ITGB8: variants seen among roughly 807,000 people sequenced by gnomAD.
The protein encoded by ITGB8 is integrin beta-8.
A neutral mutation model predicts 89.5 loss-of-function variants in ITGB8; 30 were observed. The observed-to-expected ratio is 0.34, with a 90% CI of 0.25 to 0.45. ITGB8 has a LOEUF of 0.45. Ranked by LOEUF, ITGB8 falls within the 20% of genes least tolerant of loss-of-function variation. The pLI is 1.00. For synonymous variants in ITGB8, 335 were observed against 320.4 expected (o/e 1.05, Z -0.49); for missense variants, 836 against 933.3 (o/e 0.90, Z 1.36).
chr7:20,405,899 A>T (rs1209743291), intron 11 of ITGB8, among the ~76,000 whole-genome samples, 163 bp from the exon 12 acceptor site: 3 of 152,224 alleles, frequency 2.0e-5, no homozygotes. Flanking sequence ...AATCATTTGG[A>T]AATGCAATCC....
chr7:20,406,169 C>T lies in ITGB8; in HGVS notation c.2021C>T (p.Ser674Leu). Residue 674 changes from serine (S) to leucine (L), a missense_variant and splice_region_variant, in exon 12 of 14, where the codon TCA becomes TTA. By Grantham distance (145) the Ser-to-Leu change is moderately radical. Transcript: ENST00000222573. ...MEQQHYVDQT[S>L]ECFSSPSYLR... Reference sequence around the variant, plus strand: ...CAACAGCATTATGTCGACCAAACTTCAGGTAGGCCAAAGCTTAATAATCAA... The same window carrying T: ...CAACAGCATTATGTCGACCAAACTTTAGGTAGGCCAAAGCTTAATAATCAA... 1 of 1,561,386 alleles carries T rather than the reference C, an allele frequency of 6.4e-7. No homozygotes were observed.
At chr7:20,366,868 T>A in intron 2 of ITGB8, 144 bp from the exon 3 acceptor site, 1 of 585,134 alleles carries the variant, frequency 1.7e-6, no homozygotes, top group South Asian at 2.5e-5. Context: ...GCTTGTGTTT[T>A]TCTTGTAGAA....
intron 6 of ITGB8, among the ~76,000 whole-genome samples, chr7:20,388,550 G>A (rs6954259): frequency 0.12 from 18,189 of 152,054 alleles, 1,372 homozygotes; most frequent in East Asian, 0.35. Flanking sequence ...CTGCCTTGAG[G>A]TACTTGGAAT....
chr7:20,375,497 G>A (rs1257038456), intron 3 of ITGB8, among the ~76,000 whole-genome samples: 1 of 152,122 alleles, frequency 6.6e-6, no homozygotes, highest in Non-Finnish European at 1.5e-5. Context: ...TGAAAAGAAT[G>A]AAGGATGGTA....
intron 1 of ITGB8, among the ~76,000 whole-genome samples, chr7:20,345,663 A>G (rs1042935656): frequency 6.6e-5 from 10 of 152,326 alleles, no homozygotes; most frequent in East Asian, 1.9e-4. Context: ...AAGGACTGGT[A>G]GTGGCAGATT....
intron 3 of ITGB8, chr7:20,377,272 C>G (rs920153175): frequency 6.6e-6 from 1 of 152,138 alleles, no homozygotes; most frequent in Non-Finnish European, 1.5e-5. Flanking sequence ...CAACGATTCA[C>G]CAAGATAAAA....
intron 1 of ITGB8, among the ~76,000 whole-genome samples, chr7:20,347,845 C>G (rs1377769396): frequency 6.6e-6 from 1 of 152,052 alleles, no homozygotes; most frequent in Non-Finnish European, 1.5e-5. Context: ...GTTGAGAGAG[C>G]AATGTGAAAA....
chr7:20,380,583 C>A, intron 4 of ITGB8, 83 bp from the exon 5 acceptor site: 1 of 1,136,958 alleles, frequency 8.8e-7, no homozygotes, highest in Non-Finnish European at 1.3e-6. Flanking sequence ...CCTTTTCACA[C>A]AACTGTACAA....
chr7:20,404,405 G>T lies in ITGB8; in HGVS notation c.1688-223G>T, dbSNP rs532334730. Among the ~76,000 whole-genome samples, 139 of 152,294 alleles carry T rather than the reference G, an allele frequency of 9.1e-4. 1 individual carries two copies. Among genetic ancestry groups the T allele is most frequent in the Non-Finnish European group, 1.5e-3 (104 of 68,030 alleles). On this transcript the variant is annotated intron_variant, in intron 10 of 13. Coordinates refer to ENST00000222573, the MANE Select transcript of ITGB8 (RefSeq NM_002214.3). ...AGGGGTGCCCTTCGTGCTTGTTAGC[G>T]GAGTGCATTAGCATGGGGAGATTAT...
intron 10 of ITGB8, among the ~76,000 whole-genome samples, chr7:20,403,800 A>C (rs938670780): frequency 4.6e-5 from 7 of 152,110 alleles, no homozygotes; most frequent in African/African-American, 1.7e-4. Flanking sequence ...GAGGGAGAAA[A>C]GAGGAAGGTT....
intron 10 of ITGB8, among the ~76,000 whole-genome samples, chr7:20,403,539 A>G (rs1050543924): frequency 5.9e-5 from 9 of 152,214 alleles, no homozygotes; most frequent in African/African-American, 2.2e-4. Context: ...ATAAAAACAC[A>G]TGTTCACAGG....
At chr7:20,401,628 G>A (rs1787313218) in intron 9 of ITGB8, 93 bp from the exon 10 acceptor site, 1 of 716,866 alleles carries the variant, frequency 1.4e-6, no homozygotes, top group African/African-American at 1.8e-5. Flanking sequence ...CTCTAAGATG[G>A]TTTCTTATCA....
intron 3 of ITGB8, among the ~76,000 whole-genome samples, chr7:20,375,634 C>T (rs1786110111): frequency 6.6e-6 from 1 of 152,074 alleles, no homozygotes; most frequent in African/African-American, 2.4e-5. Context: ...TAATCATTAC[C>T]CTTTATCTTC....
At chr7:20,366,873 G>A (rs149119066) in intron 2 of ITGB8, 139 bp from the exon 3 acceptor site, 5 of 587,144 alleles carry the variant, frequency 8.5e-6, no homozygotes, top group African/African-American at 5.9e-5. Flanking sequence ...TGTTTTTCTT[G>A]TAGAAATAGT....
chr7:20,331,854 G>T lies in ITGB8; in HGVS notation c.48G>T (p.Leu16=), dbSNP rs889742494. 1 of 1,613,950 alleles carries T rather than the reference G, an allele frequency of 6.2e-7. No homozygotes were observed. Among genetic ancestry groups the T allele is most frequent in the African/African-American group, 1.3e-5 (1 of 75,072 alleles). Residue 16 remains leucine (L), a synonymous_variant, in exon 1 of 14, where the codon CTG becomes CTT. Transcript: ENST00000222573. ...TTTTTACCGCTGCATTTGTCTGCCT[G>T]CAAAACGACCGGCGAGGTCCCGCCT... ...LAFFTAAFVC[L]QNDRRGPASF...
intron 4 of ITGB8, 173 bp downstream of exon 4, chr7:20,379,470 T>G (rs1786285151): frequency 3.3e-6 from 1 of 307,450 alleles, no homozygotes; most frequent in Non-Finnish European, 5.8e-6. Context: ...TGAGATGAAC[T>G]GTAGATTGGG....
chr7:20,395,229 C>G (rs1245045633), intron 8 of ITGB8, among the ~76,000 whole-genome samples: 1 of 152,212 alleles, frequency 6.6e-6, no homozygotes, highest in Non-Finnish European at 1.5e-5. Flanking sequence ...TAGAGGCTAT[C>G]TAAATTTCCT....
At position 20,389,105 on chromosome 7, in the gene ITGB8, A is replaced by C. The variant is rs182982923; in HGVS notation, c.961-2298A>C. Among the ~76,000 whole-genome samples, 377 of 152,246 alleles carry C rather than the reference A, an allele frequency of 2.5e-3. 1 individual carries two copies. Among genetic ancestry groups the C allele is most frequent in the Non-Finnish European group, 3.8e-3 (258 of 68,014 alleles). On this transcript the variant is annotated intron_variant, in intron 6 of 13. Coordinates refer to ENST00000222573, the MANE Select transcript of ITGB8 (RefSeq NM_002214.3). ...ACAGTATTGAAATGCATGTGTCTTTATAGTAGAATGATATATAATCCTTTG... is the reference window on the plus strand; with the variant it reads ...ACAGTATTGAAATGCATGTGTCTTTCTAGTAGAATGATATATAATCCTTTG...
At position 20,348,634 on chromosome 7, in the gene ITGB8, G is replaced by C. The variant is rs974856000; in HGVS notation, c.128-15003G>C. ...TGGTGGAGGTAGTGAGGTGTTGGGG[G>C]TGACTTGGGTAAGGCAGAATAACCT... On this transcript the variant is annotated intron_variant, in intron 1 of 13. Transcript: ENST00000222573. Among the ~76,000 whole-genome samples, 2 of 152,192 alleles carry C rather than the reference G, an allele frequency of 1.3e-5. 1 individual carries two copies. The highest frequency in any genetic ancestry group is 3.8e-4 in the East Asian group (2 of 5,198).
Sources: allele counts gnomAD v4.1 joint callset (sites outside exome capture counted in the v4.1 genomes callset), GRCh38; gene constraint gnomAD v4.1.1; transcripts MANE v1.5; gene names NCBI Gene and HGNC (gene_info 2026-07-23, HGNC 2026-07-21).